Variants in NRCAM observed in about 807,000 individuals in gnomAD.
The protein encoded by NRCAM is NgCAM-related cell adhesion molecule.
NRCAM carries 83 observed loss-of-function variants against 156.5 expected under a neutral mutation model. The ratio of observed to expected loss-of-function variants is 0.53; its 90% confidence interval spans 0.44 to 0.64. The LOEUF is 0.64. Among genes scored for constraint, NRCAM ranks in the 30% least tolerant of loss-of-function variants. NRCAM has a pLI of 0.00. For synonymous variants in NRCAM, 538 were observed against 563.9 expected, an observed-to-expected ratio of 0.95 and a Z score of 0.65; for missense variants, 1,417 against 1,597.3, an observed-to-expected ratio of 0.89 and a Z score of 1.92.
intron 3 of NRCAM, among the ~76,000 whole-genome samples, chr7:108,287,735 GA>G (rs34947232): frequency 0.061 from 8,962 of 147,926 alleles, 330 homozygotes; most frequent in South Asian, 0.12. Context: ...GAGGATGTGG[GA>G]AAAAAAAAAG....
At position 108,454,392 on chromosome 7, in the gene NRCAM, T is replaced by G. The variant is rs565175412; in HGVS notation, c.-332+1851A>C. The stretch of plus-strand genomic sequence containing the variant: ...AAGGACAAAAACAATCCCACTCCCC[T>G]ACTTCCTAGCTGTGTGGCCTTGGGA... On this transcript the variant is annotated intron_variant, in intron 1 of 32. Transcript: ENST00000379028. 2.6e-5 allele frequency among the ~76,000 whole-genome samples: 4 copies of G among 152,216 alleles called. No individual in the cohort carries two copies. The South Asian group carries it at 8.3e-4, about 31-fold the overall frequency.
intron 11 of NRCAM, among the ~76,000 whole-genome samples, chr7:108,214,792 C>T (rs2086977060): frequency 6.6e-6 from 1 of 152,164 alleles, no homozygotes; most frequent in Admixed American, 6.5e-5. Context: ...GATCCTGGTA[C>T]ATTGTGTCTT....
intron 2 of NRCAM, among the ~76,000 whole-genome samples, chr7:108,385,812 ATAAG>A (rs1250957023): frequency 2.6e-5 from 4 of 151,770 alleles, no homozygotes; most frequent in Non-Finnish European, 4.4e-5. Flanking sequence ...AGGCATGAGA[ATAAG>A]TAAGTATATC....
chr7:108,455,618 G>A (rs1445412642), intron 1 of NRCAM, among the ~76,000 whole-genome samples: 2 of 152,150 alleles, frequency 1.3e-5, no homozygotes, highest in African/African-American at 4.8e-5. Context: ...GATTCCCCGA[G>A]CCCTCTCCAG....
At chr7:108,184,171 A>T in intron 22 of NRCAM, 70 bp downstream of exon 22, 1 of 1,140,630 alleles carries the variant, frequency 8.8e-7, no homozygotes, top group East Asian at 2.4e-5. Flanking sequence ...TCTAATGTAG[A>T]TATTATTTTC....
chr7:108,396,524 T>G (rs1368308417), intron 2 of NRCAM, among the ~76,000 whole-genome samples: 2 of 152,256 alleles, frequency 1.3e-5, no homozygotes, highest in Non-Finnish European at 2.9e-5. Flanking sequence ...TTGTGCTTTC[T>G]GGATGACTGT....
chr7:108,439,522 T>C (rs1431669840), intron 1 of NRCAM, among the ~76,000 whole-genome samples: 1 of 152,082 alleles, frequency 6.6e-6, no homozygotes, highest in Non-Finnish European at 1.5e-5. Context: ...AAAACTACCA[T>C]GAAATACCAC....
intron 2 of NRCAM, among the ~76,000 whole-genome samples, chr7:108,396,456 T>C (rs892238163): frequency 6.6e-6 from 1 of 152,216 alleles, no homozygotes; most frequent in African/African-American, 2.4e-5. Context: ...CATAAATTCA[T>C]CCTCTACACA....
chr7:108,292,371 A>G (rs2098327840), intron 3 of NRCAM, among the ~76,000 whole-genome samples: 1 of 152,204 alleles, frequency 6.6e-6, no homozygotes, highest in African/African-American at 2.4e-5. Context: ...CGGTTTAGAT[A>G]TTTTAATTTC....
rs376018005 is a variant in NRCAM at position 108,194,186 on chromosome 7, C to T, written c.1631-15G>A. On this transcript the variant is annotated splice_polypyrimidine_tract_variant and intron_variant, in intron 16 of 32. Coordinates refer to ENST00000379028, the MANE Select transcript of NRCAM (RefSeq NM_001037132.4). Reference sequence around the variant, plus strand: ...CCATGTAGGATCTGAAATGTAGAGTCATCGTTATCCATTTGGCAAAGCTGG... The same window carrying T: ...CCATGTAGGATCTGAAATGTAGAGTTATCGTTATCCATTTGGCAAAGCTGG... 9.9e-6 allele frequency: 16 copies of T among 1,612,812 alleles called. No homozygotes were observed. In the Admixed American group the frequency reaches 2.2e-4, roughly 22 times the overall value.
At chr7:108,208,345 T>C (rs1164159181) in intron 12 of NRCAM, among the ~76,000 whole-genome samples, 2 of 152,016 alleles carry the variant, frequency 1.3e-5, no homozygotes, top group Non-Finnish European at 2.9e-5. Context: ...CTGAGCCCTG[T>C]AGAATATATA....
chr7:108,271,500 C>T lies in NRCAM; in HGVS notation c.-106-31330G>A, dbSNP rs1369791919. 2.0e-5 allele frequency among the ~76,000 whole-genome samples: 3 copies of T among 152,056 alleles called. No individual in the cohort carries two copies. The East Asian group carries it at 5.8e-4, about 29-fold the overall frequency. ...ATCACTTGAGATCAGGAGTTTGAGA[C>T]CAGCCTAGCCAACATGGTGAAACTC... On this transcript the variant is annotated intron_variant, in intron 3 of 32. Coordinates refer to ENST00000379028, the MANE Select transcript of NRCAM (RefSeq NM_001037132.4).
chr7:108,359,273 GT>G (rs1333990197), intron 2 of NRCAM, among the ~76,000 whole-genome samples: 1 of 152,148 alleles, frequency 6.6e-6, no homozygotes, highest in African/African-American at 2.4e-5. Flanking sequence ...GGAATCAGAT[GT>G]TCATAAACAG....
rs2064228730 is a variant in NRCAM at position 108,182,755 on chromosome 7, G to A, written c.2470C>T (p.Leu824=). The A allele has an allele frequency of 3.1e-6, 5 of 1,614,224 alleles. No individual in the cohort carries two copies. In the East Asian group the frequency reaches 1.1e-4, roughly 36 times the overall value. ...TCGGGGGCAAACCCCATGTCATTCA[G>A]GGCCTGAACTTTGATCAGGTATGGA... is the stretch of plus-strand genomic sequence containing the variant. ...FVPYLIKVQA[L]NDMGFAPEPA... Residue 824 remains leucine, a synonymous_variant, in exon 23 of 33, where the codon CTG becomes TTG. Transcript: ENST00000379028.
intron 11 of NRCAM, among the ~76,000 whole-genome samples, chr7:108,219,421 C>T (rs181386091): frequency 4.6e-5 from 7 of 152,164 alleles, no homozygotes; most frequent in African/African-American, 1.2e-4. Flanking sequence ...GGACTGATAT[C>T]CCTGAGGAAC....
At chr7:108,442,146 C>CT (rs1047497175) in intron 1 of NRCAM, among the ~76,000 whole-genome samples, 5 of 152,130 alleles carry the variant, frequency 3.3e-5, no homozygotes, top group African/African-American at 7.2e-5. Context: ...GCTCAGCCCC[C>CT]TTTTTTTGAT....
chr7:108,345,486 T>C (rs551835830), intron 2 of NRCAM, among the ~76,000 whole-genome samples: 2 of 152,366 alleles, frequency 1.3e-5, no homozygotes, highest in South Asian at 4.1e-4. Flanking sequence ...AATCTTGCTA[T>C]GAACTCTTTG....
At chr7:108,348,858 G>A (rs1016918353) in intron 2 of NRCAM, among the ~76,000 whole-genome samples, 3 of 149,392 alleles carry the variant, frequency 2.0e-5, no homozygotes, top group Non-Finnish European at 4.4e-5. Flanking sequence ...AGACGAGATC[G>A]TGCCACTGCA....
chr7:108,246,945 G>GA (rs2095979354), intron 3 of NRCAM, among the ~76,000 whole-genome samples: 1 of 152,122 alleles, frequency 6.6e-6, no homozygotes, highest in Non-Finnish European at 1.5e-5. Flanking sequence ...AGCAATATGT[G>GA]AAAAGAGGTG....
Sources: gnomAD v4.1 joint callset for allele counts (sites outside exome capture counted in the v4.1 genomes callset) on GRCh38, gnomAD v4.1.1 for gene constraint, MANE v1.5 for transcripts, NCBI Gene and HGNC (gene_info 2026-07-23, HGNC 2026-07-21) for gene names.